The following CNTN5 variants were observed in gnomAD, a reference collection of about 807,000 sequenced individuals.
CNTN5 encodes contactin 5, also known as contactin-5.
Under a neutral mutation model 129.1 loss-of-function variants are expected in CNTN5, and 77 were observed. The observed-to-expected ratio is 0.60, with a 90% CI of 0.50 to 0.72. The LOEUF is 0.72. Among genes scored for constraint, CNTN5 ranks in the 30% least tolerant of loss-of-function variants. The probability of loss-of-function intolerance (pLI) is 0.00; values close to 1 mark genes in which losing one functional copy is unlikely to be tolerated. For synonymous variants in CNTN5, 509 were observed against 465.6 expected (o/e 1.09, Z -1.20); for missense variants, 1,478 against 1,328.8 (o/e 1.11, Z -1.75).
At chr11:99,738,305 A>G (rs1441527686) in intron 3 of CNTN5, among the ~76,000 whole-genome samples, 2 of 152,196 alleles carry the variant, frequency 1.3e-5, no homozygotes, top group Non-Finnish European at 2.9e-5. Context: ...GTGGCCACCC[A>G]CAAGCTAAGC....
chr11:99,528,901 TAA>T (rs35945785), intron 2 of CNTN5, among the ~76,000 whole-genome samples: 137 of 145,400 alleles, frequency 9.4e-4, no homozygotes, highest in Non-Finnish European at 1.1e-3. Flanking sequence ...CCGTTTCTAC[TAA>T]AAAAAAAAAA....
chr11:99,070,135 G>A (rs1565292291), intron 1 of CNTN5, among the ~76,000 whole-genome samples: 1 of 152,138 alleles, frequency 6.6e-6, no homozygotes, highest in Non-Finnish European at 1.5e-5. Flanking sequence ...GCCGTGCTCT[G>A]GGCAGTATCT....
intron 15 of CNTN5, among the ~76,000 whole-genome samples, chr11:100,208,554 G>A (rs771649506): frequency 3.3e-5 from 5 of 152,086 alleles, no homozygotes; most frequent in African/African-American, 4.8e-5. Flanking sequence ...ACATTTTACT[G>A]GTTAAAACAA....
At chr11:99,298,818 G>A (rs890668958) in intron 1 of CNTN5, among the ~76,000 whole-genome samples, 1 of 151,688 alleles carries the variant, frequency 6.6e-6, no homozygotes, top group African/African-American at 2.4e-5. Context: ...CCAACCCTGA[G>A]ATAAACCCCC....
chr11:99,082,970 AT>A (rs753111189), intron 1 of CNTN5, among the ~76,000 whole-genome samples: 51 of 152,140 alleles, frequency 3.4e-4, no homozygotes, highest in Non-Finnish European at 5.4e-4. Context: ...TATGGTAATT[AT>A]GTTTCTTTCT....
chr11:99,563,211 T>C (rs1191766425), intron 3 of CNTN5, among the ~76,000 whole-genome samples: 1 of 152,200 alleles, frequency 6.6e-6, no homozygotes, highest in Non-Finnish European at 1.5e-5. Context: ...GGTACTAAAC[T>C]CTTTTCTTTT....
chr11:99,915,521 C>T (rs1949765044), intron 6 of CNTN5, among the ~76,000 whole-genome samples: 1 of 152,058 alleles, frequency 6.6e-6, no homozygotes, highest in African/African-American at 2.4e-5. Context: ...AGTCACATAA[C>T]TTTCTTATTC....
chr11:99,680,803 T>A (rs939156966), intron 3 of CNTN5, among the ~76,000 whole-genome samples: 7 of 151,958 alleles, frequency 4.6e-5, no homozygotes, highest in Non-Finnish European at 1.0e-4. Context: ...TATTTCTTAA[T>A]AAAACTTCAA....
intron 21 of CNTN5, among the ~76,000 whole-genome samples, chr11:100,326,612 C>A (rs1025141745): frequency 2.0e-5 from 3 of 152,156 alleles, no homozygotes; most frequent in Admixed American, 6.5e-5. Context: ...TTCCAATCTG[C>A]CCTTTATATT....
At chr11:99,666,158 G>T (rs1173598972) in intron 3 of CNTN5, among the ~76,000 whole-genome samples, 1 of 152,106 alleles carries the variant, frequency 6.6e-6, no homozygotes, top group Admixed American at 6.5e-5. Flanking sequence ...AGTGGTGACA[G>T]GGCTTCACCA....
chr11:99,763,232 A>G (rs1944647434), intron 3 of CNTN5, among the ~76,000 whole-genome samples: 1 of 152,144 alleles, frequency 6.6e-6, no homozygotes, highest in Non-Finnish European at 1.5e-5. Flanking sequence ...GAATATAATG[A>G]TACACATAAA....
At chr11:99,162,276 G>GT (rs34253933) in intron 1 of CNTN5, among the ~76,000 whole-genome samples, 39,391 of 150,022 alleles carry the variant, frequency 0.26, 5,434 homozygotes, top group East Asian at 0.38. Context: ...TCCTAGACAT[G>GT]TTTTTTTTTT....
chr11:99,851,750 T>A (rs1036941192), intron 6 of CNTN5, among the ~76,000 whole-genome samples: 5 of 152,228 alleles, frequency 3.3e-5, no homozygotes, highest in Non-Finnish European at 4.4e-5. Flanking sequence ...AGCAGTTGAT[T>A]AAAATAACCT....
At chr11:100,161,830 T>TACACATACACACAC (rs59930760) in intron 13 of CNTN5, among the ~76,000 whole-genome samples, 1,894 of 125,820 alleles carry the variant, frequency 0.015, 35 homozygotes, top group African/African-American at 0.022. Flanking sequence ...TGGAGCTTCC[T>TACACATACACACAC]ACACACACAC....
At chr11:99,211,615 C>T (rs983474302) in intron 1 of CNTN5, among the ~76,000 whole-genome samples, 1 of 149,890 alleles carries the variant, frequency 6.7e-6, no homozygotes, top group Non-Finnish European at 1.5e-5. Context: ...AGTTTCTTCT[C>T]TTTTTTTAAT....
In CNTN5 at chr11:99,520,977, C is replaced by T. The variant is rs368230067; in HGVS notation, c.-70-35168C>T. ...TAGCTTTCAATTGCATAGTAATATGCGGTTTATATAGCTCCTTCAGATTAA... is the reference window on the plus strand; with the variant it reads ...TAGCTTTCAATTGCATAGTAATATGTGGTTTATATAGCTCCTTCAGATTAA... On this transcript the variant is annotated intron_variant, in intron 2 of 24. Coordinates refer to ENST00000524871, the MANE Select transcript of CNTN5 (RefSeq NM_014361.4). Among the ~76,000 whole-genome samples the T allele has an allele frequency of 7.2e-5, 11 of 152,140 alleles. No individual in the cohort carries two copies. The East Asian group carries it at 7.7e-4, about 11-fold the overall frequency.
intron 16 of CNTN5, among the ~76,000 whole-genome samples, chr11:100,254,968 A>G (rs1950037268): frequency 6.6e-6 from 1 of 152,208 alleles, no homozygotes; most frequent in Non-Finnish European, 1.5e-5. Flanking sequence ...CTAGAAATAA[A>G]AACACAATGG....
intron 9 of CNTN5, among the ~76,000 whole-genome samples, chr11:100,058,077 A>G (rs1943308182): frequency 6.6e-6 from 1 of 152,154 alleles, no homozygotes; most frequent in East Asian, 1.9e-4. Context: ...ACCAGCTGTG[A>G]TTAAGACTGT....
chr11:99,475,273 A>G (rs1213402935), intron 2 of CNTN5, among the ~76,000 whole-genome samples: 2 of 152,196 alleles, frequency 1.3e-5, no homozygotes, highest in Non-Finnish European at 2.9e-5. Flanking sequence ...CTTGCCTGCC[A>G]TCTGCCCTGT....
Sources: gnomAD v4.1 joint callset for allele counts (sites outside exome capture counted in the v4.1 genomes callset) on GRCh38, gnomAD v4.1.1 for gene constraint, MANE v1.5 for transcripts, NCBI Gene and HGNC (gene_info 2026-07-23, HGNC 2026-07-21) for gene names.